Variants in RAB37 observed in about 807,000 individuals in gnomAD.
RAB37 encodes ras-related protein Rab-37.
In RAB37, 29 loss-of-function variants were observed where a neutral mutation model predicts 33.1. The observed-to-expected ratio is 0.88, with a 90% CI of 0.65 to 1.20. RAB37 has a LOEUF of 1.20. Ranked by LOEUF, RAB37 falls within the 50% of genes most tolerant of loss-of-function variation. The pLI, the probability that RAB37 is intolerant of heterozygous loss-of-function variation, is 0.00. For synonymous variants in RAB37, 128 were observed against 119.5 expected (o/e 1.07, Z -0.47); for missense variants, 299 against 301.1 (o/e 0.99, Z 0.05).
At chr17:74,704,393 G>C in intron 1 of RAB37, 2 of 982,792 alleles carry the variant, frequency 2.0e-6, no homozygotes, top group Non-Finnish European at 3.1e-6. Flanking sequence ...ATCACTCAGT[G>C]ACAATTAAAT....
chr17:74,741,036 C>T (rs995985381), intron 2 of RAB37, among the ~76,000 whole-genome samples, 158 bp downstream of exon 2: 4 of 152,022 alleles, frequency 2.6e-5, no homozygotes, highest in African/African-American at 9.7e-5. Flanking sequence ...CAGAGGTGGC[C>T]GGGTCAAAGG....
chr17:74,718,354 CAT>C (rs2034195379), intron 1 of RAB37, among the ~76,000 whole-genome samples: 1 of 151,738 alleles, frequency 6.6e-6, no homozygotes, highest in Non-Finnish European at 1.5e-5. Context: ...CATATCATAT[CAT>C]ATCATATCCA....
At chr17:74,728,584 A>G (rs2034337840) in intron 1 of RAB37, among the ~76,000 whole-genome samples, 1 of 148,864 alleles carries the variant, frequency 6.7e-6, no homozygotes, top group Admixed American at 6.7e-5. Flanking sequence ...TGTTCTGTGC[A>G]TATGTGTTGT....
At position 74,676,007 on chromosome 17, in the gene RAB37, T is replaced by C. The variant is rs893782918; in HGVS notation, c.72+4349T>C. Among the ~76,000 whole-genome samples, 4 of 152,206 alleles carry C rather than the reference T, an allele frequency of 2.6e-5. No homozygotes were observed. The highest frequency in any genetic ancestry group is 5.9e-5 in the Non-Finnish European group (4 of 68,022). On this transcript the variant is annotated intron_variant, in intron 1 of 7. Coordinates refer to the RAB37 transcript ENST00000340415. This position sits in a 1 kb window ranked among gnomAD's most constrained non-coding sequence, Gnocchi z 4.1. ...GGAGCAACCTGGCTGCTCTTTTCCT[T>C]AGAGAACTCTCAGTTCTCTCTTGCC...
chr17:74,728,571 G>T (rs540584972), intron 1 of RAB37, among the ~76,000 whole-genome samples: 2 of 151,878 alleles, frequency 1.3e-5, no homozygotes, highest in Non-Finnish European at 2.9e-5. Context: ...TCTGCATCAT[G>T]TGTGTTCTGT....
chr17:74,732,025 A>G (rs2034390632), intron 2 of RAB37, among the ~76,000 whole-genome samples: 1 of 146,964 alleles, frequency 6.8e-6, no homozygotes. Flanking sequence ...AACAACAACA[A>G]AAAAAAAAAA....
chr17:74,688,704 C>G (rs1017105723), intron 1 of RAB37, among the ~76,000 whole-genome samples: 9 of 152,064 alleles, frequency 5.9e-5, no homozygotes, highest in Non-Finnish European at 8.8e-5. Context: ...AAAAGCCTGT[C>G]ACTTTTTAAA....
chr17:74,695,892 A>G, intron 1 of RAB37: 2 of 1,602,884 alleles, frequency 1.2e-6, no homozygotes, highest in South Asian at 1.1e-5. Context: ...GGGAGTCACA[A>G]GATCTGTCTG....
chr17:74,722,121 A>C (rs1006012976), intron 1 of RAB37, among the ~76,000 whole-genome samples: 1 of 152,006 alleles, frequency 6.6e-6, no homozygotes, highest in Non-Finnish European at 1.5e-5. Flanking sequence ...ATCTCTACCA[A>C]AAATACAAAA....
upstream of RAB37, among the ~76,000 whole-genome samples, chr17:74,736,212 GAAA>G (rs1032087916): frequency 7.0e-6 from 1 of 142,350 alleles, no homozygotes. Flanking sequence ...GACTCTGTCT[GAAA>G]AAAAAAAAAA....
chr17:74,744,831 C>A lies in RAB37; in HGVS notation c.433-42C>A. The A allele has an allele frequency of 1.2e-6, 2 of 1,610,148 alleles. No individual in the cohort carries two copies. The highest frequency in any genetic ancestry group is 2.2e-5 in the South Asian group (2 of 90,990). On this transcript the variant is annotated intron_variant, in intron 6 of 8. Transcript: ENST00000392613. This position sits in a 1 kb window ranked among gnomAD's most constrained non-coding sequence, Gnocchi z 4.2. ...GGGGCAAAATATGGGCCCGCTGGGG[C>A]GGAGGCCTCCTTCCCCAGAGTGACC...
chr17:74,718,810 T>C (rs994309054), intron 1 of RAB37, among the ~76,000 whole-genome samples: 5 of 152,224 alleles, frequency 3.3e-5, no homozygotes, highest in African/African-American at 1.2e-4. Flanking sequence ...TATATGTGTG[T>C]GTATCTATTA....
chr17:74,691,372 G>A lies in RAB37; in HGVS notation c.72+19714G>A, dbSNP rs539888882. Among the ~76,000 whole-genome samples the A allele has an allele frequency of 6.6e-5, 10 of 152,268 alleles. No homozygotes were observed. The East Asian group carries it at 1.5e-3, about 23-fold the overall frequency. Reference sequence around the variant, plus strand: ...CAGTAACCTTAGATGGGTTTATCACGTTGCCCAGGCTTGTCTCAAACACCT... The same window carrying A: ...CAGTAACCTTAGATGGGTTTATCACATTGCCCAGGCTTGTCTCAAACACCT... On this transcript the variant is annotated intron_variant, in intron 1 of 7. Coordinates refer to the RAB37 transcript ENST00000340415.
chr17:74,721,004 C>A (rs957266135), intron 1 of RAB37, among the ~76,000 whole-genome samples: 1 of 152,176 alleles, frequency 6.6e-6, no homozygotes. Context: ...CGTGTCTATC[C>A]GTATGCTCCG....
intron 1 of RAB37, among the ~76,000 whole-genome samples, chr17:74,739,976 G>T (rs2034571838): frequency 6.6e-6 from 1 of 151,770 alleles, no homozygotes; most frequent in African/African-American, 2.4e-5. Flanking sequence ...GGCCAACATG[G>T]AGAAACCCCG....
At chr17:74,704,246 TA>T in intron 1 of RAB37, 2 of 531,160 alleles carry the variant, frequency 3.8e-6, no homozygotes, top group Non-Finnish European at 6.7e-6. Context: ...TGTGCAGAGG[TA>T]AAAAATGTGC....
At chr17:74,698,289 C>T in intron 1 of RAB37, 3 of 998,232 alleles carry the variant, frequency 3.0e-6, no homozygotes. Flanking sequence ...TGGGTAATCC[C>T]TTGGACCAGA....
intron 1 of RAB37, among the ~76,000 whole-genome samples, chr17:74,699,471 C>G (rs2032837812): frequency 1.3e-5 from 2 of 152,116 alleles, no homozygotes; most frequent in Non-Finnish European, 2.9e-5. Context: ...CCTGATCCAG[C>G]GACTGGTGTC....
At chr17:74,695,085 T>G in intron 1 of RAB37, 1 of 1,609,980 alleles carries the variant, frequency 6.2e-7, no homozygotes, top group Non-Finnish European at 8.5e-7. Context: ...AGAAGGAGCC[T>G]GGAGTGCAGG....
Sources: allele counts gnomAD v4.1 joint callset (sites outside exome capture counted in the v4.1 genomes callset), GRCh38; gene constraint gnomAD v4.1.1; non-coding constraint Gnocchi (gnomAD v3.1); transcripts MANE v1.5; gene names NCBI Gene and HGNC (gene_info 2026-07-23, HGNC 2026-07-21).